ZNF385B: variants seen among roughly 807,000 people sequenced by gnomAD.
ZNF385B encodes the protein zinc finger protein 533.
Under a neutral mutation model 39.2 loss-of-function variants are expected in ZNF385B, and 23 were observed. The observed-to-expected ratio is 0.59, with a 90% CI of 0.42 to 0.83. ZNF385B has a LOEUF of 0.83. ZNF385B is among the 40% of genes least tolerant of loss of function. The pLI is 0.00. For missense variants in ZNF385B, 552 were observed against 598.9 expected (o/e 0.92, Z 0.82); for synonymous variants, 205 against 222.6 (o/e 0.92, Z 0.70).
At position 179,665,463 on chromosome 2, in the gene ZNF385B, C is replaced by G. The variant is rs570884270; in HGVS notation, c.298+104040G>C. The stretch of plus-strand genomic sequence containing the variant: ...CACTACGGTGACAATGCCATTTCTA[C>G]CCAGACATTTAACTTGGACAAAGGC... On this transcript the variant is annotated intron_variant, in intron 3 of 9. Transcript: ENST00000410066. 2.0e-4 allele frequency among the ~76,000 whole-genome samples: 31 copies of G among 152,264 alleles called. 1 individual carries two copies. In the South Asian group the frequency reaches 6.4e-3, roughly 32 times the overall value.
chr2:179,710,368 G>A (rs1434989666), intron 3 of ZNF385B, among the ~76,000 whole-genome samples: 2 of 152,028 alleles, frequency 1.3e-5, no homozygotes, highest in Admixed American at 6.6e-5. Flanking sequence ...CCTGGAAATA[G>A]CAAACCATTC....
chr2:179,491,757 G>A (rs1428025468), intron 5 of ZNF385B, among the ~76,000 whole-genome samples: 2 of 152,120 alleles, frequency 1.3e-5, no homozygotes, highest in African/African-American at 4.8e-5. Context: ...GGAGTACAGA[G>A]GGGCCATCAT....
Position 179,835,568 on chromosome 2 carries a change from C to T in ZNF385B, c.-155+25533G>A, listed in dbSNP as rs534288950. On this transcript the variant is annotated intron_variant, in intron 1 of 9. Coordinates refer to ENST00000410066, the MANE Select transcript of ZNF385B (RefSeq NM_152520.6). Reference sequence around the variant, plus strand: ...GAATACGACGCTTGCTAACATTCCTCACTATGGCCATACCAACCACTGCAC... The same window carrying T: ...GAATACGACGCTTGCTAACATTCCTTACTATGGCCATACCAACCACTGCAC... 1.4e-4 allele frequency among the ~76,000 whole-genome samples: 21 copies of T among 152,166 alleles called. No individual in the cohort carries two copies. The South Asian group carries it at 3.1e-3, about 22-fold the overall frequency.
chr2:179,557,292 C>T (rs1430971625), intron 3 of ZNF385B, among the ~76,000 whole-genome samples: 1 of 148,870 alleles, frequency 6.7e-6, no homozygotes, highest in Non-Finnish European at 1.5e-5. Flanking sequence ...TTTTCTTTTT[C>T]AATTTTGACT....
At chr2:179,711,169 G>A (rs1240944650) in intron 3 of ZNF385B, among the ~76,000 whole-genome samples, 1 of 152,134 alleles carries the variant, frequency 6.6e-6, no homozygotes, top group African/African-American at 2.4e-5. Context: ...AACACCAAAT[G>A]TGATATATCT....
At chr2:179,745,183 G>T (rs535301632) in intron 3 of ZNF385B, among the ~76,000 whole-genome samples, 1 of 151,926 alleles carries the variant, frequency 6.6e-6, no homozygotes, top group Non-Finnish European at 1.5e-5. Flanking sequence ...GTACATGACC[G>T]GTCATAACTT....
chr2:179,772,223 T>G (rs1704051958), intron 1 of ZNF385B, among the ~76,000 whole-genome samples: 1 of 152,194 alleles, frequency 6.6e-6, no homozygotes, highest in South Asian at 2.1e-4. Flanking sequence ...GAAAGATATC[T>G]TCCATAAAAA....
intron 4 of ZNF385B, among the ~76,000 whole-genome samples, chr2:179,542,173 G>C (rs963193706): frequency 3.3e-5 from 5 of 152,168 alleles, no homozygotes; most frequent in Admixed American, 6.5e-5. Context: ...CACTAGAATG[G>C]AAATGTCTGT....
chr2:179,543,686 GA>G (rs1381375325), intron 4 of ZNF385B, among the ~76,000 whole-genome samples: 2 of 151,378 alleles, frequency 1.3e-5, no homozygotes, highest in East Asian at 1.9e-4. Context: ...TTAACTGTTT[GA>G]CTTGTCTCTG....
intron 4 of ZNF385B, among the ~76,000 whole-genome samples, chr2:179,523,556 A>G (rs1250965515): frequency 6.6e-6 from 1 of 152,102 alleles, no homozygotes; most frequent in East Asian, 1.9e-4. Flanking sequence ...ACATAATACT[A>G]GATTATATTT....
At position 179,554,798 on chromosome 2, in the gene ZNF385B, G is replaced by A. The variant is rs908359506; in HGVS notation, c.299-9829C>T. Among the ~76,000 whole-genome samples, 2 of 149,200 alleles carry A rather than the reference G, an allele frequency of 1.3e-5. 1 individual carries two copies. The highest frequency in any genetic ancestry group is 3.0e-5 in the Non-Finnish European group (2 of 67,580). On this transcript the variant is annotated intron_variant, in intron 3 of 9. Transcript: ENST00000410066. The stretch of plus-strand genomic sequence containing the variant: ...AATATGTGAATTACAACTACAATGA[G>A]GTATCACTACATATCCACAAGAATG...
intron 6 of ZNF385B, among the ~76,000 whole-genome samples, chr2:179,473,764 G>A (rs1043094089): frequency 3.3e-5 from 5 of 152,102 alleles, no homozygotes; most frequent in African/African-American, 7.2e-5. Flanking sequence ...ACTTATGAGT[G>A]AGAAGATGCG....
chr2:179,796,470 G>T (rs75489946), intron 1 of ZNF385B, among the ~76,000 whole-genome samples: 2,848 of 152,190 alleles, frequency 0.019, 47 homozygotes, highest in Non-Finnish European at 0.032. Context: ...CCTAAAGACA[G>T]CAGTCCATTT....
At chr2:179,846,955 A>G (rs1708829447) in intron 1 of ZNF385B, among the ~76,000 whole-genome samples, 1 of 152,258 alleles carries the variant, frequency 6.6e-6, no homozygotes, top group Non-Finnish European at 1.5e-5. Flanking sequence ...CAATAAAATT[A>G]GGCAAGAAAT....
chr2:179,771,931 G>A (rs1176627560), intron 1 of ZNF385B, among the ~76,000 whole-genome samples: 1 of 152,144 alleles, frequency 6.6e-6, no homozygotes, highest in Non-Finnish European at 1.5e-5. Flanking sequence ...TGAAACCTAA[G>A]CTTATATTTC....
intron 7 of ZNF385B, among the ~76,000 whole-genome samples, 187 bp from the exon 8 acceptor site, chr2:179,445,915 TAAAG>T (rs1394441562): frequency 2.0e-5 from 3 of 152,202 alleles, no homozygotes; most frequent in Non-Finnish European, 2.9e-5. Flanking sequence ...GCGTATATAA[TAAAG>T]AAAATATACA....
At chr2:179,691,622 T>A (rs1698361096) in intron 3 of ZNF385B, among the ~76,000 whole-genome samples, 1 of 152,184 alleles carries the variant, frequency 6.6e-6, no homozygotes, top group South Asian at 2.1e-4. Flanking sequence ...TATCTCTACT[T>A]ACTAAAAAGT....
intron 3 of ZNF385B, among the ~76,000 whole-genome samples, chr2:179,664,148 C>A (rs1194225881): frequency 1.5e-5 from 2 of 134,300 alleles, no homozygotes; most frequent in South Asian, 2.4e-4. Context: ...TTCTTTTATT[C>A]CCCTCTTCAG....
At chr2:179,643,069 T>C (rs933855647) in intron 3 of ZNF385B, among the ~76,000 whole-genome samples, 2 of 152,078 alleles carry the variant, frequency 1.3e-5, no homozygotes, top group African/African-American at 4.8e-5. Flanking sequence ...ATTTGGATAT[T>C]TGACAGACAT....
Sources: allele counts gnomAD v4.1 joint callset (sites outside exome capture counted in the v4.1 genomes callset), GRCh38; gene constraint gnomAD v4.1.1; transcripts MANE v1.5; gene names NCBI Gene and HGNC (gene_info 2026-07-23, HGNC 2026-07-21).